The following PTPRD variants were observed in gnomAD, a reference collection of about 807,000 sequenced individuals.
PTPRD encodes the protein receptor-type tyrosine-protein phosphatase delta.
Under a neutral mutation model 214.5 loss-of-function variants are expected in PTPRD, and 34 were observed. The ratio of observed to expected loss-of-function variants is 0.16; its 90% CI spans 0.12 to 0.21. The LOEUF is 0.21. PTPRD is among the 10% of genes least tolerant of loss of function. The pLI is 1.00. For synonymous variants in PTPRD, 1,128 were observed against 845.7 expected (o/e 1.33, Z -5.79); for missense variants, 2,545 against 2,398.7 (o/e 1.06, Z -1.27).
intron 7 of PTPRD, among the ~76,000 whole-genome samples, chr9:9,710,610 T>C (rs1182892849): frequency 6.6e-6 from 1 of 152,154 alleles, no homozygotes; most frequent in Non-Finnish European, 1.5e-5. Flanking sequence ...TTCTGTTTTT[T>C]TTTTAATTTA....
chr9:8,347,538 G>C (rs898128631), intron 39 of PTPRD, among the ~76,000 whole-genome samples: 2 of 152,150 alleles, frequency 1.3e-5, no homozygotes, highest in African/African-American at 4.8e-5. Context: ...CAAATGTGAA[G>C]GATGCTGGTA....
intron 11 of PTPRD, among the ~76,000 whole-genome samples, chr9:8,950,501 T>G (rs1056118755): frequency 6.6e-6 from 1 of 151,496 alleles, no homozygotes; most frequent in African/African-American, 2.4e-5. Flanking sequence ...ATGATGCAGT[T>G]TATCCAACAA....
At chr9:8,430,730 G>A (rs1330628144) in intron 35 of PTPRD, among the ~76,000 whole-genome samples, 1 of 152,106 alleles carries the variant, frequency 6.6e-6, no homozygotes, top group Non-Finnish European at 1.5e-5. Context: ...CTGACTATGA[G>A]ACTACCAGAA....
chr9:8,429,784 T>G (rs1209179679), intron 35 of PTPRD, among the ~76,000 whole-genome samples: 1 of 152,182 alleles, frequency 6.6e-6, no homozygotes, highest in Non-Finnish European at 1.5e-5. Context: ...GGGACTGGGC[T>G]TTGTGATGAG....
intron 10 of PTPRD, among the ~76,000 whole-genome samples, chr9:9,046,431 A>G (rs1590436361): frequency 6.6e-6 from 1 of 152,146 alleles, no homozygotes; most frequent in Non-Finnish European, 1.5e-5. Context: ...CGTGAACTGA[A>G]TAAGTTCTGT....
At chr9:8,335,049 A>C (rs1160567113) in intron 43 of PTPRD, among the ~76,000 whole-genome samples, 1 of 152,208 alleles carries the variant, frequency 6.6e-6, no homozygotes, top group African/African-American at 2.4e-5. Context: ...GTCCAGGACC[A>C]GATGAATTCT....
At chr9:9,954,206 G>C (rs966962412) in intron 4 of PTPRD, among the ~76,000 whole-genome samples, 8 of 141,090 alleles carry the variant, frequency 5.7e-5, no homozygotes, top group African/African-American at 1.8e-4. Context: ...TGAGGGATGA[G>C]AATCGCTTGA....
chr9:10,269,100 C>T (rs901664162), intron 3 of PTPRD, among the ~76,000 whole-genome samples: 2 of 152,150 alleles, frequency 1.3e-5, no homozygotes, highest in African/African-American at 4.8e-5. Context: ...ACCTTTTGCT[C>T]CTCCATCCAA....
intron 3 of PTPRD, among the ~76,000 whole-genome samples, chr9:10,157,579 T>G (rs2099101320): frequency 1.3e-5 from 2 of 152,184 alleles, no homozygotes; most frequent in African/African-American, 4.8e-5. Flanking sequence ...TTTCCTTTCA[T>G]TTTGCCCTTG....
chr9:9,057,419 A>G (rs1291578494), intron 10 of PTPRD, among the ~76,000 whole-genome samples: 1 of 152,206 alleles, frequency 6.6e-6, no homozygotes. Context: ...ATGAACATAA[A>G]TTAAAACTTT....
intron 9 of PTPRD, among the ~76,000 whole-genome samples, chr9:9,194,985 G>A (rs1010122873): frequency 7.3e-5 from 8 of 109,750 alleles, no homozygotes; most frequent in South Asian, 2.6e-4. Context: ...TGAACCCTAC[G>A]TGTGTGTGTG....
rs1044479889 is a variant in PTPRD, at chr9:9,290,165, G to A, written c.-202-106802C>T. On this transcript the variant is annotated intron_variant, in intron 9 of 45. Coordinates refer to ENST00000381196, the MANE Select transcript of PTPRD (RefSeq NM_002839.4). ...TAATAGCCATTCAAACAGATGTGAG[G>A]TGATACCTCATTGTGGTTTTGATTT... Among the ~76,000 whole-genome samples the A allele has an allele frequency of 2.6e-5, 4 of 151,566 alleles. No homozygotes were observed. In the Admixed American group the frequency reaches 2.6e-4, roughly 10 times the overall value.
chr9:9,558,821 C>T (rs538080827), intron 8 of PTPRD, among the ~76,000 whole-genome samples: 23 of 152,186 alleles, frequency 1.5e-4, no homozygotes, highest in African/African-American at 3.6e-4. Context: ...TGCCCTATTA[C>T]GAATTCGGGG....
intron 2 of PTPRD, among the ~76,000 whole-genome samples, chr9:10,410,836 T>G (rs1001217990): frequency 2.6e-5 from 4 of 151,780 alleles, no homozygotes; most frequent in African/African-American, 9.7e-5. Flanking sequence ...ACTGATAATA[T>G]GAATGAGTGG....
At chr9:8,897,366 G>A (rs1244809028) in intron 11 of PTPRD, among the ~76,000 whole-genome samples, 2 of 152,092 alleles carry the variant, frequency 1.3e-5, no homozygotes, top group African/African-American at 4.8e-5. Flanking sequence ...AGCTGGGCTG[G>A]AATTTAGATA....
chr9:8,542,416 A>G (rs2078709974), intron 14 of PTPRD, among the ~76,000 whole-genome samples: 1 of 152,172 alleles, frequency 6.6e-6, no homozygotes, highest in Non-Finnish European at 1.5e-5. Flanking sequence ...AGATAGGGAG[A>G]AGTGGAAAAA....
intron 2 of PTPRD, among the ~76,000 whole-genome samples, chr9:10,409,537 T>A (rs903257324): frequency 7.2e-5 from 11 of 151,788 alleles, no homozygotes; most frequent in African/African-American, 2.2e-4. Context: ...TACTCACTTT[T>A]AAAAATTTAT....
intron 9 of PTPRD, among the ~76,000 whole-genome samples, chr9:9,341,873 A>G (rs1411097761): frequency 6.6e-6 from 1 of 152,090 alleles, no homozygotes; most frequent in African/African-American, 2.4e-5. Flanking sequence ...CAGTGTCGCA[A>G]TCTCGACTCA....
At chr9:10,350,901 A>G (rs1231408546) in intron 2 of PTPRD, among the ~76,000 whole-genome samples, 1 of 152,174 alleles carries the variant, frequency 6.6e-6, no homozygotes, top group South Asian at 2.1e-4. Flanking sequence ...GTGGAAAGAC[A>G]TCGTAATTCC....
Sources: gnomAD v4.1 joint callset for allele counts (sites outside exome capture counted in the v4.1 genomes callset) on GRCh38, gnomAD v4.1.1 for gene constraint, MANE v1.5 for transcripts, NCBI Gene and HGNC (gene_info 2026-07-23, HGNC 2026-07-21) for gene names.